VIL1: variants seen among roughly 807,000 people sequenced by gnomAD.
VIL1 encodes the protein villin 1, also known as villin-1.
In VIL1, 86 loss-of-function variants were observed where a neutral mutation model predicts 104.0. The ratio of observed to expected loss-of-function variants is 0.83; its 90% confidence interval spans 0.69 to 0.99. VIL1 has a LOEUF of 0.99. Ranked by LOEUF, VIL1 falls within the 50% of genes least tolerant of loss-of-function variation. VIL1 has a pLI of 0.00. For synonymous variants in VIL1, 394 were observed against 412.6 expected (o/e 0.95, Z 0.55); for missense variants, 944 against 1,054.1 (o/e 0.90, Z 1.45).
At chr2:218,437,348 C>T (rs1370834545) in intron 17 of VIL1, 36 bp downstream of exon 17, 2 of 1,603,460 alleles carry the variant, frequency 1.2e-6, no homozygotes, top group Non-Finnish European at 1.7e-6. Context: ...CTTCTCTAGC[C>T]CTGCCTGGAG....
At chr2:218,431,719 T>C (rs1689101372) in intron 10 of VIL1, 138 bp from the exon 11 acceptor site, 3 of 715,060 alleles carry the variant, frequency 4.2e-6, no homozygotes, top group Non-Finnish European at 7.4e-6. Flanking sequence ...TGCAACCAGG[T>C]AAGCTACTGA....
In VIL1 at chr2:218,436,597, G is replaced by A; in HGVS notation, c.1942G>A (p.Asp648Asn). ...CAATCAGGATGACTTGGAAGAGGAT[G>A]ATGTGTTCCTACTAGATGTCTGGGA... The part of the protein sequence containing the change: ...DFNQDDLEED[D>N]VFLLDVWDQV... The change falls in exon 16 of 20, where the codon GAT (aspartate) becomes AAT (asparagine). Residue 648 changes from aspartate (D) to asparagine (N), a missense_variant. By Grantham distance (23) the Asp-to-Asn change is conservative (BLOSUM62 1). Transcript: ENST00000248444. 6.2e-7 allele frequency: 1 copy of A among 1,614,096 alleles called. No individual in the cohort carries two copies. The highest frequency in any genetic ancestry group is 1.1e-5 in the South Asian group (1 of 91,064).
At chr2:218,419,486 C>G (rs1480807707) in intron 1 of VIL1, among the ~76,000 whole-genome samples, 6 of 152,156 alleles carry the variant, frequency 3.9e-5, no homozygotes, top group Non-Finnish European at 7.4e-5. Context: ...CAGTGCTGGG[C>G]AGACCGGGAC....
chr2:218,431,666 G>A (rs1021115333), intron 10 of VIL1, among the ~76,000 whole-genome samples, 191 bp from the exon 11 acceptor site: 4 of 152,152 alleles, frequency 2.6e-5, no homozygotes, highest in Non-Finnish European at 5.9e-5. Context: ...GAGTTTTAGA[G>A]GGAGGGAGAT....
intron 8 of VIL1, 58 bp from the exon 9 acceptor site, chr2:218,429,791 A>C: frequency 6.3e-7 from 1 of 1,589,792 alleles, no homozygotes. Flanking sequence ...TTTGTGTGTG[A>C]GGCTTTCCCA....
chr2:218,452,207 T>C lies in VIL1; in HGVS notation c.*2871T>C, dbSNP rs1282941643. ...TCCAATTCAATGTCATTTAAAGTAA[T>C]GTAACCACACATTTGGTATTTTCAA... On this transcript the variant is annotated 3_prime_UTR_variant, in exon 20 of 20. Coordinates refer to ENST00000248444, the MANE Select transcript of VIL1 (RefSeq NM_007127.3). The C allele has an allele frequency of 2.0e-5, 3 of 152,130 alleles. No homozygotes were observed. Among genetic ancestry groups the C allele is most frequent in the Non-Finnish European group, 4.4e-5 (3 of 68,020 alleles). 9.4% of individuals were successfully genotyped at this position (152,130 alleles called of 1,614,324 possible). A position where few individuals can be genotyped will look rare whatever the true frequency, so the allele number is the denominator to read the frequency against.
chr2:218,432,766 C>T (rs201899919), intron 12 of VIL1, 27 bp from the exon 13 acceptor site: 417 of 1,613,168 alleles, frequency 2.6e-4, no homozygotes, highest in Non-Finnish European at 3.4e-4. Context: ...GACCCAATCC[C>T]ACTCACTCCC....
intron 19 of VIL1, among the ~76,000 whole-genome samples, chr2:218,444,418 T>C (rs993182218): frequency 3.9e-5 from 6 of 152,164 alleles, no homozygotes; most frequent in South Asian, 2.1e-4. Context: ...TAGCTGGGAC[T>C]ACAGGCGCCC....
At chr2:218,443,054 C>T (rs1451237061) in intron 19 of VIL1, among the ~76,000 whole-genome samples, 1 of 152,074 alleles carries the variant, frequency 6.6e-6, no homozygotes, top group Admixed American at 6.5e-5. Flanking sequence ...GTTATTATTG[C>T]CTGTTCTACA....
chr2:218,426,462 G>A (rs1450556069), intron 4 of VIL1, among the ~76,000 whole-genome samples: 1 of 151,710 alleles, frequency 6.6e-6, no homozygotes, highest in Non-Finnish European at 1.5e-5. Context: ...ACCACGGGCA[G>A]GCTGATCTCA....
intron 1 of VIL1, among the ~76,000 whole-genome samples, chr2:218,420,599 T>G (rs183616570): frequency 0.015 from 2,206 of 150,504 alleles, 28 homozygotes; most frequent in Non-Finnish European, 0.02. Flanking sequence ...TTTTGTTTTT[T>G]TTTTGAGAAG....
chr2:218,440,637 GC>G, intron 18 of VIL1, 84 bp from the exon 19 acceptor site: 1 of 1,557,744 alleles, frequency 6.4e-7, no homozygotes, highest in Non-Finnish European at 8.8e-7. Flanking sequence ...TGAAGGTGGT[GC>G]CCTAGAGACT....
Position 218,424,382 on chromosome 2 carries a change from A to G in VIL1, c.150+31A>G, listed in dbSNP as rs373295271. On this transcript the variant is annotated intron_variant, in intron 3 of 19. Transcript: ENST00000248444. ...TCAGGGGCAGGGGAGGGGGCTGAGCAGAGAGCAAAACCCACTGTGGTGTCA... is the reference window on the plus strand; with the variant it reads ...TCAGGGGCAGGGGAGGGGGCTGAGCGGAGAGCAAAACCCACTGTGGTGTCA... 1.2e-5 allele frequency: 19 copies of G among 1,608,700 alleles called. No individual in the cohort carries two copies. In the African/African-American group the frequency reaches 1.6e-4, roughly 14 times the overall value.
rs772066906 is a variant in VIL1, at chr2:218,429,928, G to C, written c.929G>C (p.Gly310Ala). 1.2e-6 allele frequency: 2 copies of C among 1,608,140 alleles called. No individual in the cohort carries two copies. The highest frequency in any genetic ancestry group is 1.7e-6 in the Non-Finnish European group (2 of 1,176,596). The stretch of plus-strand genomic sequence containing the variant: ...AAAGCCAATGAGCAGGAGAAGAAGG[G>C]AGCCATGAGCCATGCGCTGGTAGTG... ...GKKANEQEKK[G>A]AMSHALNFIK... The change falls in exon 9 of 20, where the codon GGA becomes GCA. Residue 310 changes from glycine (G) to alanine (A), a missense_variant. By Grantham distance (60) the Gly-to-Ala change is moderately conservative (BLOSUM62 0). Coordinates refer to ENST00000248444, the MANE Select transcript of VIL1 (RefSeq NM_007127.3).
rs776512449 is a variant in VIL1 at position 218,440,738 on chromosome 2, A to G, written c.2246A>G (p.Lys749Arg). ...CTTTCCTAGGAGGTCACAAGCCCCA[A>G]AGTGGACGTGTTCAATGCTAACAGC... ...SQITAEVTSP[K>R]VDVFNANSNL... Residue 749 changes from lysine to arginine, a missense_variant, in exon 19 of 20, where the codon AAA becomes AGA. Transcript: ENST00000248444. 37 of 1,613,936 alleles carry G rather than the reference A, an allele frequency of 2.3e-5. No homozygotes were observed. The highest frequency in any genetic ancestry group is 1.1e-5 in the Non-Finnish European group (13 of 1,179,978).
rs1559148527 is a variant in VIL1 at position 218,434,655 on chromosome 2, G to A, written c.1630G>A (p.Asp544Asn). 6.2e-6 allele frequency: 10 copies of A among 1,614,188 alleles called. No individual in the cohort carries two copies. The highest frequency in any genetic ancestry group is 8.5e-6 in the Non-Finnish European group (10 of 1,180,012). The stretch of plus-strand genomic sequence containing the variant: ...GCGGGCCAATTTCCTCAATTCCAAT[G>A]ATGTCTTTGTCCTCAAGACCCAGTC... ...PARANFLNSNDVFVLKTQSCC... is the reference protein window; with the variant it reads ...PARANFLNSNNVFVLKTQSCC... The change falls in exon 14 of 20, where the codon GAT becomes AAT. Residue 544 changes from aspartate to asparagine, a missense_variant. Asp to Asn is a conservative substitution (Grantham distance 23). Coordinates refer to ENST00000248444, the MANE Select transcript of VIL1 (RefSeq NM_007127.3).
rs1378428277 is a variant in VIL1, at chr2:218,450,560, A to C, written c.*1224A>C. 2.0e-5 allele frequency: 3 copies of C among 152,668 alleles called. No homozygotes were observed. The highest frequency in any genetic ancestry group is 7.2e-5 in the African/African-American group (3 of 41,470). 9.5% of individuals were successfully genotyped at this position (152,668 alleles called of 1,614,324 possible). A position where few individuals can be genotyped will look rare whatever the true frequency, so the allele number is the denominator to read the frequency against. On this transcript the variant is annotated 3_prime_UTR_variant, in exon 20 of 20. Coordinates refer to ENST00000248444, the MANE Select transcript of VIL1 (RefSeq NM_007127.3). The stretch of plus-strand genomic sequence containing the variant: ...TTAAGTTTAAAGAAACAACAATGAC[A>C]ATAGGCCAGAGAAGTTAGGGAGGGA...
At chr2:218,435,201 T>G (rs1293207762) in intron 14 of VIL1, 88 bp from the exon 15 acceptor site, 2 of 1,554,002 alleles carry the variant, frequency 1.3e-6, no homozygotes, top group Non-Finnish European at 1.7e-6. Context: ...GAGAGCCCTC[T>G]TTGACCCCTG....
chr2:218,423,227 C>A (rs543303880), intron 1 of VIL1, among the ~76,000 whole-genome samples: 29 of 152,306 alleles, frequency 1.9e-4, no homozygotes, highest in Admixed American at 1.3e-3. Context: ...GAAACCCTGT[C>A]TCTACTAAAA....
Sources: gnomAD v4.1 joint callset for allele counts (sites outside exome capture counted in the v4.1 genomes callset) on GRCh38, gnomAD v4.1.1 for gene constraint, MANE v1.5 for transcripts, NCBI Gene and HGNC (gene_info 2026-07-23, HGNC 2026-07-21) for gene names.